Variants in ZMIZ1 observed in about 807,000 individuals in gnomAD.
The protein encoded by ZMIZ1 is zinc finger MIZ domain-containing protein 1.
Under a neutral mutation model 113.9 loss-of-function variants are expected in ZMIZ1, and 17 were observed. The ratio of observed to expected loss-of-function variants is 0.15; its 90% CI spans 0.10 to 0.22. The LOEUF (loss-of-function observed/expected upper bound fraction) is 0.22. Among genes scored for constraint, ZMIZ1 ranks in the 10% least tolerant of loss-of-function variants. The pLI is 1.00. For missense variants in ZMIZ1, 1,059 were observed against 1,477.8 expected, an observed-to-expected ratio of 0.72 and a Z score of 4.65; for synonymous variants, 607 against 603.1, an observed-to-expected ratio of 1.01 and a Z score of -0.09.
intron 1 of ZMIZ1, among the ~76,000 whole-genome samples, chr10:79,087,844 G>A (rs1479010292): frequency 1.3e-5 from 2 of 152,208 alleles, no homozygotes; most frequent in African/African-American, 2.4e-5. Context: ...GCTAGGTCAA[G>A]CGGATTGGTC....
In ZMIZ1 at chr10:79,305,533, T is replaced by C; in HGVS notation, c.2355T>C (p.Asn785=). The part of the protein sequence containing the change: ...ERGTWRCPVC[N]KTALLEGLEV... ...CCAAGCTCCCCATCTCCTTTTCCAG[T>C]AAAACCGCTCTGCTGGAGGGCCTGG... Residue 785 remains asparagine (N), a splice_region_variant and synonymous_variant, in exon 21 of 25, where the codon AAT becomes AAC. Coordinates refer to ENST00000334512, the MANE Select transcript of ZMIZ1 (RefSeq NM_020338.4). The C allele has an allele frequency of 2.5e-6, 4 of 1,613,710 alleles. No homozygotes were observed. The highest frequency in any genetic ancestry group is 1.7e-6 in the Non-Finnish European group (2 of 1,179,918).
intron 23 of ZMIZ1, among the ~76,000 whole-genome samples, chr10:79,308,795 C>T (rs1002836604): frequency 5.9e-5 from 9 of 152,162 alleles, no homozygotes; most frequent in African/African-American, 1.9e-4. Context: ...AATCACACCC[C>T]CCGACACACA....
intron 7 of ZMIZ1, among the ~76,000 whole-genome samples, chr10:79,223,007 C>T (rs1309913145): frequency 6.6e-6 from 1 of 152,196 alleles, no homozygotes; most frequent in African/African-American, 2.4e-5. Flanking sequence ...CTCTCAGACC[C>T]CGTGGTGGTG....
At chr10:79,291,542 A>G (rs1853496380) in intron 10 of ZMIZ1, among the ~76,000 whole-genome samples, 1 of 152,262 alleles carries the variant, frequency 6.6e-6, no homozygotes, top group Admixed American at 6.5e-5. Flanking sequence ...CAGTTGCCCA[A>G]AGACAGTGAA....
Position 79,292,161 on chromosome 10 carries a change from C to T in ZMIZ1, c.762C>T (p.Tyr254=). The T allele has an allele frequency of 1.2e-6, 2 of 1,608,122 alleles. No homozygotes were observed. The highest frequency in any genetic ancestry group is 1.7e-6 in the Non-Finnish European group (2 of 1,176,966). The stretch of plus-strand genomic sequence containing the variant: ...TTCCACCCTTCTCCCCCTGCAGTTA[C>T]CCTGGGGGTCCTAACGCCCCCGCAG... ...YPGSGGFGAS[Y]PGGPNAPAGM... Residue 254 remains tyrosine (Y), a synonymous_variant, in exon 11 of 25, where the codon TAC becomes TAT. Transcript: ENST00000334512.
chr10:79,275,585 C>G (rs1852235272), intron 7 of ZMIZ1, among the ~76,000 whole-genome samples: 2 of 152,242 alleles, frequency 1.3e-5, no homozygotes, highest in South Asian at 4.1e-4. Context: ...CTATGGGTGT[C>G]TTCCACCAGT....
chr10:79,238,131 G>T (rs1234935962), intron 7 of ZMIZ1, among the ~76,000 whole-genome samples: 2 of 152,084 alleles, frequency 1.3e-5, no homozygotes, highest in Non-Finnish European at 2.9e-5. Context: ...TGATCATTTT[G>T]TGTCTGGTTC....
intron 7 of ZMIZ1, among the ~76,000 whole-genome samples, chr10:79,225,118 G>A (rs1380456933): frequency 6.6e-6 from 1 of 152,174 alleles, no homozygotes; most frequent in Admixed American, 6.5e-5. Context: ...CGCCCAGGCA[G>A]AGTCCCAGTG....
Position 79,302,139 on chromosome 10 carries a change from G to T in ZMIZ1, c.2052G>T (p.Arg684=). The change falls in exon 18 of 25, where the codon CGG becomes CGT. Residue 684 remains arginine, a synonymous_variant. Transcript: ENST00000334512. ...TCTTCGTGCTGCAGCTGGTACACCG[G>T]CCCTCCGTCCGCTCTGTGCTGCAAG... ...SHLFVLQLVH[R]PSVRSVLQGL... 1 of 1,613,970 alleles carries T rather than the reference G, an allele frequency of 6.2e-7. No homozygotes were observed. The highest frequency in any genetic ancestry group is 8.5e-7 in the Non-Finnish European group (1 of 1,180,002).
chr10:79,107,879 AG>A (rs1170793962), intron 1 of ZMIZ1, among the ~76,000 whole-genome samples: 1 of 152,188 alleles, frequency 6.6e-6, no homozygotes, highest in Admixed American at 6.5e-5. Flanking sequence ...GCTTTGTCCC[AG>A]GGGCAGGCAC....
chr10:79,142,866 A>G (rs188392941), intron 3 of ZMIZ1, among the ~76,000 whole-genome samples: 10 of 152,288 alleles, frequency 6.6e-5, no homozygotes, highest in African/African-American at 1.9e-4. Context: ...CATGCTGCCC[A>G]TGGGGAAGAG....
At chr10:79,180,570 A>C (rs1190175356) in intron 4 of ZMIZ1, among the ~76,000 whole-genome samples, 1 of 152,146 alleles carries the variant, frequency 6.6e-6, no homozygotes, top group Non-Finnish European at 1.5e-5. Context: ...GGCCCAAAGG[A>C]AGTGGGCTGC....
intron 3 of ZMIZ1, among the ~76,000 whole-genome samples, chr10:79,143,233 C>A (rs1283292756): frequency 6.6e-6 from 1 of 152,148 alleles, no homozygotes; most frequent in Non-Finnish European, 1.5e-5. Flanking sequence ...GCTCAGGAGC[C>A]TGAGCCTGAC....
chr10:79,134,046 A>G (rs73298193), intron 2 of ZMIZ1, among the ~76,000 whole-genome samples: 5,319 of 152,314 alleles, frequency 0.035, 310 homozygotes, highest in African/African-American at 0.12. Context: ...TATAGCTGTC[A>G]CACAGGATGG....
At chr10:79,138,141 G>A (rs980623902) in intron 2 of ZMIZ1, among the ~76,000 whole-genome samples, 8 of 152,214 alleles carry the variant, frequency 5.3e-5, no homozygotes, top group South Asian at 2.1e-4. Context: ...ACAGAGAGCA[G>A]CAGTGAGGCC....
At chr10:79,114,320 C>T (rs533121877) in intron 1 of ZMIZ1, among the ~76,000 whole-genome samples, 8 of 152,324 alleles carry the variant, frequency 5.3e-5, no homozygotes, top group South Asian at 2.1e-4. Flanking sequence ...CCCATTTCGC[C>T]GTCTCCGGTT....
At position 79,165,948 on chromosome 10, in the gene ZMIZ1, C is replaced by CTGTGTGTGTGTGTGTGTGTGTGTG. The variant is rs1174980856; in HGVS notation, c.-50+3846_-50+3869dup. The stretch of plus-strand genomic sequence containing the variant: ...CCTTGGCCTCCAAGCCCCAGCTCAG[C>CTGTGTGTGTGTGTGTGTGTGTGTG]TGTGTGTGTGTGTGTGTGTGTGTGT... On this transcript the variant is annotated intron_variant, in intron 4 of 24. Coordinates refer to ENST00000334512, the MANE Select transcript of ZMIZ1 (RefSeq NM_020338.4). Among the ~76,000 whole-genome samples the CTGTGTGTGTGTGTGTGTGTGTGTG allele has an allele frequency of 8.0e-4, 48 of 59,832 alleles. 1 individual carries two copies. The highest frequency in any genetic ancestry group is 8.3e-3 in the Middle Eastern group (1 of 120). 39.3% of individuals were successfully genotyped at this position (59,832 alleles called of 152,430 possible).
At chr10:79,178,278 A>G (rs552163601) in intron 4 of ZMIZ1, among the ~76,000 whole-genome samples, 12 of 152,324 alleles carry the variant, frequency 7.9e-5, no homozygotes, top group African/African-American at 2.6e-4. Context: ...GCCGCCCTTC[A>G]GCCTGCTACC....
chr10:79,251,650 C>T (rs927252572), intron 7 of ZMIZ1, among the ~76,000 whole-genome samples: 4 of 152,216 alleles, frequency 2.6e-5, no homozygotes, highest in Admixed American at 1.3e-4. Context: ...CCCCTGCCTC[C>T]AGCCAGGGCC....
Sources: allele counts gnomAD v4.1 joint callset (sites outside exome capture counted in the v4.1 genomes callset), GRCh38; gene constraint gnomAD v4.1.1; transcripts MANE v1.5; gene names NCBI Gene and HGNC (gene_info 2026-07-23, HGNC 2026-07-21).